Variants in CDA observed in about 807,000 individuals in gnomAD.
The protein encoded by CDA is cytidine deaminase, also known as cytidine aminohydrolase.
Under a neutral mutation model 15.0 loss-of-function variants are expected in CDA, and 7 were observed. That is an observed-to-expected ratio of 0.47 (90% confidence interval 0.26 to 0.87). The LOEUF is 0.87. Among genes scored for constraint, CDA ranks in the 40% least tolerant of loss-of-function variants. The pLI, the probability that CDA is intolerant of heterozygous loss-of-function variation, is 0.15. For missense variants in CDA, 159 were observed against 182.7 expected, an observed-to-expected ratio of 0.87 and a Z score of 0.75; for synonymous variants, 58 against 73.0, an observed-to-expected ratio of 0.79 and a Z score of 1.05.
chr1:20,594,370 G>A (rs1457840868), intron 1 of CDA, among the ~76,000 whole-genome samples: 3 of 152,104 alleles, frequency 2.0e-5, no homozygotes, highest in Non-Finnish European at 4.4e-5. Flanking sequence ...GACTGCTTGT[G>A]GGGAGAGCCG....
intron 1 of CDA, among the ~76,000 whole-genome samples, chr1:20,603,628 C>T (rs1414991926): frequency 2.6e-5 from 4 of 152,132 alleles, no homozygotes; most frequent in Non-Finnish European, 5.9e-5. Context: ...CCTAGCTGAG[C>T]GGCCATGCTG....
At chr1:20,596,195 C>T (rs2052590540) in intron 1 of CDA, among the ~76,000 whole-genome samples, 1 of 152,100 alleles carries the variant, frequency 6.6e-6, no homozygotes, top group South Asian at 2.1e-4. Flanking sequence ...TACTACAGTC[C>T]CTCGACTAAA....
At chr1:20,614,238 A>G (rs2052782660) in intron 3 of CDA, among the ~76,000 whole-genome samples, 2 of 152,318 alleles carry the variant, frequency 1.3e-5, no homozygotes, top group Non-Finnish European at 2.9e-5. Context: ...AAAATAAATA[A>G]ACAAACAGTG....
rs148602715 is a variant in CDA at position 20,593,673 on chromosome 1, C to T, written c.154+4390C>T. Among the ~76,000 whole-genome samples the T allele has an allele frequency of 2.1e-4, 32 of 152,348 alleles. No homozygotes were observed. In the East Asian group the frequency reaches 4.6e-3, roughly 22 times the overall value. On this transcript the variant is annotated intron_variant, in intron 1 of 3. Coordinates refer to ENST00000375071, the MANE Select transcript of CDA (RefSeq NM_001785.3). ...CACTGCAGTCTCAAACCCCTGAGTT[C>T]AAGCTATCCTCCTGTCTTAGCCTCC...
intron 1 of CDA, among the ~76,000 whole-genome samples, chr1:20,592,962 G>A (rs748489496): frequency 1.3e-5 from 2 of 152,110 alleles, no homozygotes; most frequent in South Asian, 2.1e-4. Flanking sequence ...ATGTGGTGGC[G>A]TGCATCTGTG....
chr1:20,602,266 G>A lies in CDA; in HGVS notation c.155-2662G>A, dbSNP rs184085504. Among the ~76,000 whole-genome samples the A allele has an allele frequency of 2.5e-3, 374 of 152,130 alleles. 2 individuals are homozygous for A. Among genetic ancestry groups the A allele is most frequent in the African/African-American group, 8.5e-3 (351 of 41,494 alleles). ...TTCCCTCATCTAACAGACCAGGGGC[G>A]GGCTGGAGTCCACAGCATAGGAGAT... On this transcript the variant is annotated intron_variant, in intron 1 of 3. Transcript: ENST00000375071.
At chr1:20,593,173 G>C (rs371889292) in intron 1 of CDA, among the ~76,000 whole-genome samples, 3 of 152,216 alleles carry the variant, frequency 2.0e-5, no homozygotes, top group Non-Finnish European at 4.4e-5. Context: ...GGTGAATGAT[G>C]ATGAGGCACT....
intron 1 of CDA, among the ~76,000 whole-genome samples, chr1:20,593,571 C>CTTTCGT (rs1328895978): frequency 6.6e-6 from 1 of 151,966 alleles, no homozygotes; most frequent in Non-Finnish European, 1.5e-5. Context: ...GGTTTCCATT[C>CTTTCGT]TTTTGTTTTT....
At chr1:20,590,384 G>A (rs1170132537) in intron 1 of CDA, among the ~76,000 whole-genome samples, 3 of 152,138 alleles carry the variant, frequency 2.0e-5, no homozygotes, top group Admixed American at 6.5e-5. Context: ...TCTGAGTACC[G>A]TGTTGAAATT....
intron 1 of CDA, among the ~76,000 whole-genome samples, chr1:20,599,044 T>G (rs1468675693): frequency 5.9e-5 from 9 of 152,148 alleles, no homozygotes; most frequent in Non-Finnish European, 1.3e-4. Flanking sequence ...GAGGCAGTAG[T>G]GGGAGGAAGC....
chr1:20,598,246 C>T lies in CDA; in HGVS notation c.155-6682C>T, dbSNP rs773607324. Among the ~76,000 whole-genome samples, 7 of 152,086 alleles carry T rather than the reference C, an allele frequency of 4.6e-5. No homozygotes were observed. The South Asian group carries it at 8.3e-4, about 18-fold the overall frequency. On this transcript the variant is annotated intron_variant, in intron 1 of 3. Transcript: ENST00000375071. ...CTCTGCCCGGTGAGTGGATGAATAC[C>T]GCTATAAAAAGGGCTTACAGTATGG...
chr1:20,595,853 A>C lies in CDA; in HGVS notation c.154+6570A>C, dbSNP rs1015885930. Among the ~76,000 whole-genome samples, 94 of 151,760 alleles carry C rather than the reference A, an allele frequency of 6.2e-4. 1 individual carries two copies. Among genetic ancestry groups the C allele is most frequent in the African/African-American group, 2.1e-3 (87 of 41,420 alleles). ...GAGCAAGACTCTCTCAAAAAAAAAA[A>C]AAAAAAAAAGGCCAGGCACGGTGGC... On this transcript the variant is annotated intron_variant, in intron 1 of 3. Transcript: ENST00000375071.
intron 1 of CDA, among the ~76,000 whole-genome samples, chr1:20,592,272 C>A (rs900123922): frequency 1.3e-5 from 2 of 152,162 alleles, no homozygotes; most frequent in African/African-American, 4.8e-5. Context: ...TCGGTTGGTG[C>A]CTGCGCTGAG....
intron 1 of CDA, among the ~76,000 whole-genome samples, chr1:20,598,009 A>G (rs750833598): frequency 3.3e-5 from 5 of 150,844 alleles, no homozygotes; most frequent in African/African-American, 4.9e-5. Context: ...GGAAAATTCC[A>G]CTCTTTCAAT....
chr1:20,605,385 C>T (rs818193), intron 2 of CDA, among the ~76,000 whole-genome samples: 53,752 of 151,702 alleles, frequency 0.35, 9,864 homozygotes, highest in Middle Eastern at 0.45. Flanking sequence ...CTGAGCCAGG[C>T]GCGGTGGCTC....
In CDA at chr1:20,605,058, T is replaced by G. The variant is rs1484368883; in HGVS notation, c.266+19T>G. On this transcript the variant is annotated intron_variant, in intron 2 of 3. Transcript: ENST00000375071. ...TCGCCAGGTGAGTGGGAAAGCCAGG[T>G]TGCAACAATATTCATTCATCTCTTT... is the stretch of plus-strand genomic sequence containing the variant. 7.0e-7 allele frequency: 1 copy of G among 1,426,854 alleles called. No individual in the cohort carries two copies. Among genetic ancestry groups the G allele is most frequent in the Non-Finnish European group, 9.9e-7 (1 of 1,010,482 alleles). The allele number at this position is 1,426,854 out of a possible 1,614,324, so 88.4% of individuals were successfully genotyped here. A position where few individuals can be genotyped will look rare whatever the true frequency, so the allele number is the denominator to read the frequency against.
intron 1 of CDA, among the ~76,000 whole-genome samples, chr1:20,591,357 A>AC (rs1396000987): frequency 3.9e-5 from 6 of 152,036 alleles, no homozygotes; most frequent in Admixed American, 3.9e-4. Context: ...AAACAAACAA[A>AC]AAAAAACAAA....
At position 20,605,006 on chromosome 1, in the gene CDA, G is replaced by A. The variant is rs1413499129; in HGVS notation, c.233G>A (p.Gly78Glu). 5 of 1,613,674 alleles carry A rather than the reference G, an allele frequency of 3.1e-6. No homozygotes were observed. In the African/African-American group the frequency reaches 5.3e-5, roughly 17 times the overall value. Residue 78 changes from glycine to glutamate, a missense_variant, in exon 2 of 4, where the codon GGG becomes GAG. Gly to Glu is a moderately conservative substitution (Grantham distance 98). Transcript: ENST00000375071. ...RTAIQKAVSE[G>E]YKDFRAIAIA... ...GCTATCCAGAAGGCCGTCTCAGAAG[G>A]GTACAAGGATTTCAGGGCAATTGCT...
chr1:20,611,259 A>T (rs2052748190), intron 2 of CDA, among the ~76,000 whole-genome samples: 1 of 152,164 alleles, frequency 6.6e-6, no homozygotes, highest in Non-Finnish European at 1.5e-5. Flanking sequence ...AATAAATAAA[A>T]ATCCTATGTT....
Sources: gnomAD v4.1 joint callset for allele counts (sites outside exome capture counted in the v4.1 genomes callset) on GRCh38, gnomAD v4.1.1 for gene constraint, MANE v1.5 for transcripts, NCBI Gene and HGNC (gene_info 2026-07-23, HGNC 2026-07-21) for gene names.